Variants in PTGER3 observed in about 807,000 individuals in gnomAD.
The protein encoded by PTGER3 is prostaglandin E receptor 3.
In PTGER3, 22 loss-of-function variants were observed where a neutral mutation model predicts 34.7. The ratio of observed to expected loss-of-function variants is 0.63; its 90% CI spans 0.45 to 0.91. PTGER3 has a LOEUF of 0.91. Ranked by LOEUF, PTGER3 falls within the 40% of genes least tolerant of loss-of-function variation. PTGER3 has a pLI of 0.00. For missense variants in PTGER3, 468 were observed against 519.4 expected (o/e 0.90, Z 0.96); for synonymous variants, 241 against 230.1 (o/e 1.05, Z -0.43).
At chr1:70,981,316 CTTTCTTCT>C (rs1654262310) in intron 2 of PTGER3, among the ~76,000 whole-genome samples, 1 of 60,636 alleles carries the variant, frequency 1.6e-5, no homozygotes, top group African/African-American at 6.5e-5. Context: ...TCCTTCCTTC[CTTTCTTCT>C]TTCTTTCTTT....
chr1:70,894,307 C>T (rs528942409), intron 4 of PTGER3, among the ~76,000 whole-genome samples: 29 of 31,132 alleles, frequency 9.3e-4, no homozygotes, highest in African/African-American at 2.3e-3. Flanking sequence ...AAAACTCCAT[C>T]TCAAAAAAAA....
chr1:70,983,028 T>C (rs989638360), intron 2 of PTGER3, among the ~76,000 whole-genome samples: 2 of 152,044 alleles, frequency 1.3e-5, no homozygotes, highest in African/African-American at 2.4e-5. Flanking sequence ...AGGAGCTTTA[T>C]GAGGGTGAAG....
chr1:70,924,724 T>C (rs542616030), intron 4 of PTGER3, among the ~76,000 whole-genome samples: 1 of 152,310 alleles, frequency 6.6e-6, no homozygotes, highest in African/African-American at 2.4e-5. Flanking sequence ...TTCTCTTAAA[T>C]TAAACTGCTC....
chr1:70,886,192 G>C (rs540434296), intron 4 of PTGER3: 81 of 369,020 alleles, frequency 2.2e-4, no homozygotes, highest in South Asian at 1.6e-3. Context: ...AGACAAGAGA[G>C]AGCTTGCTTC....
intron 1 of PTGER3, among the ~76,000 whole-genome samples, chr1:71,027,239 C>T (rs1263215172): frequency 6.6e-6 from 1 of 152,034 alleles, no homozygotes; most frequent in Non-Finnish European, 1.5e-5. Flanking sequence ...TCATAATTTA[C>T]TCACTGTAGC....
At chr1:70,965,851 G>A (rs1652462248), downstream of PTGER3, among the ~76,000 whole-genome samples, 1 of 152,152 alleles carries the variant, frequency 6.6e-6, no homozygotes, top group Non-Finnish European at 1.5e-5. Context: ...TTCAGAGCTT[G>A]TTACTTAAGT....
intron 3 of PTGER3, chr1:70,953,735 T>C (rs772499186): frequency 7.8e-6 from 12 of 1,537,956 alleles, no homozygotes; most frequent in Admixed American, 2.1e-5. Context: ...CAAATGCAAC[T>C]AGTTTTAATA....
chr1:70,939,275 C>A (rs999580558), intron 4 of PTGER3, among the ~76,000 whole-genome samples: 7 of 152,234 alleles, frequency 4.6e-5, no homozygotes, highest in Admixed American at 4.6e-4. Context: ...TCTTGGGCAG[C>A]TCCACTTCTG....
At chr1:70,881,321 A>G (rs1218070118) in intron 4 of PTGER3, among the ~76,000 whole-genome samples, 1 of 152,112 alleles carries the variant, frequency 6.6e-6, no homozygotes, top group African/African-American at 2.4e-5. Flanking sequence ...GTTTTATTAC[A>G]TTCTTTAGAT....
At chr1:70,884,191 TG>T in intron 4 of PTGER3, 1 of 246,708 alleles carries the variant, frequency 4.1e-6, no homozygotes, top group South Asian at 3.7e-5. Flanking sequence ...TGCTGTTGTG[TG>T]GGACACCCTG....
intron 2 of PTGER3, among the ~76,000 whole-genome samples, chr1:70,961,970 C>T (rs1048542377): frequency 2.6e-5 from 4 of 152,138 alleles, no homozygotes; most frequent in African/African-American, 9.7e-5. Context: ...TTTCTTTGGA[C>T]CTTCTTTGCC....
chr1:70,962,589 C>T (rs774607979), intron 2 of PTGER3, among the ~76,000 whole-genome samples: 1 of 152,158 alleles, frequency 6.6e-6, no homozygotes, highest in Admixed American at 6.5e-5. Context: ...TACATGGCGG[C>T]AGGCCAAGAG....
Position 70,931,750 on chromosome 1 carries a change from C to G in PTGER3, c.*23+22013G>C, listed in dbSNP as rs77573989. 3.3e-3 allele frequency among the ~76,000 whole-genome samples: 509 copies of G among 152,220 alleles called. 5 individuals carry two copies. Among genetic ancestry groups the G allele is most frequent in the African/African-American group, 0.011 (477 of 41,544 alleles). On this transcript the variant is annotated intron_variant, in intron 4 of 4. Coordinates refer to the PTGER3 transcript ENST00000370931. ...GCTGCCCACAGCATGGGAACCCTGA[C>G]CCTGGTCCACAAAACTGTTTTTTCC...
In PTGER3 at chr1:70,971,614, A is replaced by G. The variant is rs1653085066; in HGVS notation, c.*116T>C. 7.2e-7 allele frequency: 1 copy of G among 1,392,652 alleles called. No individual in the cohort carries two copies. The highest frequency in any genetic ancestry group is 9.4e-7 in the Non-Finnish European group (1 of 1,067,184). The allele number at this position is 1,392,652 out of a possible 1,614,324, so 86.3% of individuals were successfully genotyped here. On this transcript the variant is annotated 3_prime_UTR_variant, in exon 4 of 4. Transcript: ENST00000306666. ...ACAAAACAATCATTAAAATAAAAAGATAAAAATGAAGAAATAATCCAAATT... is the reference window on the plus strand; with the variant it reads ...ACAAAACAATCATTAAAATAAAAAGGTAAAAATGAAGAAATAATCCAAATT...
chr1:71,031,405 T>A (rs1659406733), intron 1 of PTGER3, among the ~76,000 whole-genome samples: 1 of 152,156 alleles, frequency 6.6e-6, no homozygotes, highest in Admixed American at 6.5e-5. Flanking sequence ...AATATCCCAA[T>A]TCTGGATAAC....
intron 4 of PTGER3, among the ~76,000 whole-genome samples, chr1:70,946,394 A>G (rs890878006): frequency 6.6e-6 from 1 of 152,100 alleles, no homozygotes; most frequent in Non-Finnish European, 1.5e-5. Flanking sequence ...ATGATAACAG[A>G]ATTGGTAAGA....
Position 71,047,179 on chromosome 1 carries a change from G to A in PTGER3, c.399C>T (p.Phe133=), listed in dbSNP as rs765893089. The A allele has an allele frequency of 1.9e-6, 3 of 1,600,080 alleles. No homozygotes were observed. The East Asian group carries it at 6.8e-5, about 36-fold the overall frequency. Residue 133 remains phenylalanine, a synonymous_variant, in exon 1 of 4, where the codon TTC becomes TTT. Coordinates refer to ENST00000306666, the MANE Select transcript of PTGER3 (RefSeq NM_198719.2). ...IDPSGRLCTF[F]GLTMTVFGLS... is the part of the protein sequence containing the mutation. Reference sequence around the variant, plus strand: ...GCCCGAAAACAGTCATGGTCAGCCCGAAAAAGGTGCAGAGCCGCCCCGACG... The same window carrying A: ...GCCCGAAAACAGTCATGGTCAGCCCAAAAAAGGTGCAGAGCCGCCCCGACG...
intron 4 of PTGER3, among the ~76,000 whole-genome samples, chr1:70,906,251 T>C (rs747765073): frequency 1.3e-4 from 20 of 152,194 alleles, no homozygotes; most frequent in African/African-American, 4.1e-4. Context: ...CAATGAGCTA[T>C]GTATTTTTTC....
chr1:70,875,854 G>A (rs2100565950), intron 4 of PTGER3, among the ~76,000 whole-genome samples: 1 of 152,214 alleles, frequency 6.6e-6, no homozygotes, highest in East Asian at 1.9e-4. Context: ...GGGCATTTAG[G>A]TTGATTCCAT....
Sources: gnomAD v4.1 joint callset for allele counts (sites outside exome capture counted in the v4.1 genomes callset) on GRCh38, gnomAD v4.1.1 for gene constraint, MANE v1.5 for transcripts, NCBI Gene and HGNC (gene_info 2026-07-23, HGNC 2026-07-21) for gene names.